Variants in ASB7 observed in about 807,000 individuals in gnomAD.
ASB7 encodes ankyrin repeat and SOCS box containing 7.
Under a neutral mutation model 32.5 loss-of-function variants are expected in ASB7, and 4 were observed. The observed-to-expected ratio is 0.12, with a 90% CI of 0.06 to 0.28. ASB7 has a LOEUF of 0.28. Among genes scored for constraint, ASB7 ranks in the 10% least tolerant of loss-of-function variants. The probability of loss-of-function intolerance (pLI) is 1.00; values close to 1 mark genes in which losing one functional copy is unlikely to be tolerated. For missense variants in ASB7, 181 were observed against 407.1 expected (o/e 0.44, Z 4.78); for synonymous variants, 172 against 155.6 (o/e 1.11, Z -0.78).
chr15:100,605,564 A>G (rs932709212), intron 2 of ASB7, among the ~76,000 whole-genome samples: 2 of 152,354 alleles, frequency 1.3e-5, no homozygotes, highest in African/African-American at 2.4e-5. Context: ...CTTTGGTGAC[A>G]TAGAGATACA....
At chr15:100,647,416 A>T (rs919449424) in intron 5 of ASB7, among the ~76,000 whole-genome samples, 32 of 152,220 alleles carry the variant, frequency 2.1e-4, no homozygotes, top group Non-Finnish European at 3.7e-4. Flanking sequence ...AGTATTCAAT[A>T]TATATTAGCT....
chr15:100,647,744 G>A lies in ASB7; in HGVS notation c.818-579G>A, dbSNP rs530518780. Among the ~76,000 whole-genome samples the A allele has an allele frequency of 1.2e-4, 19 of 152,252 alleles. No individual in the cohort carries two copies. The South Asian group carries it at 1.9e-3, about 15-fold the overall frequency. ...AAGGTTCTGCTGTGTTCAGAATCAC[G>A]GAAAACAGGTGAGCAGATCTGGAAA... On this transcript the variant is annotated intron_variant, in intron 5 of 5. Coordinates refer to ENST00000332783, the MANE Select transcript of ASB7 (RefSeq NM_198243.3).
In ASB7 at chr15:100,635,284, T is replaced by C. The variant is rs114296151; in HGVS notation, c.817+5242T>C. 1.0e-2 allele frequency among the ~76,000 whole-genome samples: 1,523 copies of C among 152,324 alleles called. 29 individuals are homozygous for C. The highest frequency in any genetic ancestry group is 0.035 in the African/African-American group (1,446 of 41,560). On this transcript the variant is annotated intron_variant, in intron 5 of 5. Coordinates refer to ENST00000332783, the MANE Select transcript of ASB7 (RefSeq NM_198243.3). Reference sequence around the variant, plus strand: ...TTTCATTAATCTTAATAATTAATGGTTGTTTTAAATTCCCCGGCTGGTAAT... The same window carrying C: ...TTTCATTAATCTTAATAATTAATGGCTGTTTTAAATTCCCCGGCTGGTAAT...
intron 5 of ASB7, chr15:100,645,730 G>A (rs2039993341): frequency 1.3e-6 from 2 of 1,579,708 alleles, no homozygotes; most frequent in East Asian, 2.2e-5. Context: ...GCCTATCTGT[G>A]CTTCCAGATG....
At chr15:100,640,287 G>A (rs1432088919) in intron 5 of ASB7, among the ~76,000 whole-genome samples, 5 of 152,124 alleles carry the variant, frequency 3.3e-5, no homozygotes, top group African/African-American at 1.2e-4. Context: ...TGGGACTACA[G>A]GCACGTGCCA....
intron 4 of ASB7, among the ~76,000 whole-genome samples, chr15:100,616,052 T>C (rs1388909008): frequency 6.6e-6 from 1 of 152,222 alleles, no homozygotes; most frequent in African/African-American, 2.4e-5. Context: ...TCCGAAGAGA[T>C]TGTCATCATT....
intron 2 of ASB7, among the ~76,000 whole-genome samples, chr15:100,605,289 T>A (rs1212564833): frequency 2.6e-5 from 4 of 152,224 alleles, no homozygotes; most frequent in Non-Finnish European, 5.9e-5. Flanking sequence ...GCTAGTTAGG[T>A]AGCTTACATT....
In ASB7 at chr15:100,648,351, C is replaced by T. The variant is rs770267756; in HGVS notation, c.846C>T (p.Cys282=). The change falls in exon 6 of 6, where the codon TGC becomes TGT. Residue 282 remains cysteine, a synonymous_variant. Transcript: ENST00000332783. ...TRQPRNLQDL[C]RIKIRQCIGL... ...AGCCCAGAAACTTGCAGGACCTGTG[C>T]CGAATTAAAATTCGACAATGTATAG... 1.0e-5 allele frequency: 16 copies of T among 1,603,562 alleles called. No homozygotes were observed. Among genetic ancestry groups the T allele is most frequent in the Non-Finnish European group, 1.4e-5 (16 of 1,176,046 alleles).
intron 4 of ASB7, among the ~76,000 whole-genome samples, chr15:100,622,008 T>C (rs2039796692): frequency 6.6e-6 from 1 of 152,108 alleles, no homozygotes; most frequent in Admixed American, 6.5e-5. Flanking sequence ...AGTCAAATTG[T>C]TCCTCTTTGC....
In ASB7 at chr15:100,650,668, G is replaced by A. The variant is rs1486188015; in HGVS notation, c.*2206G>A. The A allele has an allele frequency of 6.6e-6, 1 of 151,932 alleles. No individual in the cohort carries two copies. Among genetic ancestry groups the A allele is most frequent in the Non-Finnish European group, 1.5e-5 (1 of 67,984 alleles). The allele number at this position is 151,932 out of a possible 1,614,324, so 9.4% of individuals were successfully genotyped here. On this transcript the variant is annotated 3_prime_UTR_variant, in exon 6 of 6. Coordinates refer to ENST00000332783, the MANE Select transcript of ASB7 (RefSeq NM_198243.3). ...CAGATTAAGGTAAATTCTTTGTTCT[G>A]TATTGCTGCTGTGACTTCAGAAAAA... is the stretch of plus-strand genomic sequence containing the variant.
intron 5 of ASB7, among the ~76,000 whole-genome samples, chr15:100,631,693 G>A (rs1490718717): frequency 6.6e-6 from 1 of 152,206 alleles, no homozygotes; most frequent in Non-Finnish European, 1.5e-5. Flanking sequence ...TCCCATGTTA[G>A]CTGTGACCTT....
intron 5 of ASB7, chr15:100,638,410 C>T (rs1225451577): frequency 6.6e-6 from 1 of 152,156 alleles, no homozygotes; most frequent in Admixed American, 6.5e-5. Flanking sequence ...TCAGATCCCT[C>T]GTTCTCCTCT....
intron 4 of ASB7, among the ~76,000 whole-genome samples, chr15:100,618,493 G>A (rs2039763385): frequency 6.6e-6 from 1 of 152,100 alleles, no homozygotes. Context: ...ATTTTGTGGT[G>A]GATAGTAAAC....
At chr15:100,627,612 A>C (rs994509553) in intron 4 of ASB7, among the ~76,000 whole-genome samples, 1 of 152,228 alleles carries the variant, frequency 6.6e-6, no homozygotes, top group Non-Finnish European at 1.5e-5. Context: ...AGAACCTGAA[A>C]GAGACCTGAA....
At chr15:100,634,139 A>G (rs1379643001) in intron 5 of ASB7, among the ~76,000 whole-genome samples, 1 of 152,228 alleles carries the variant, frequency 6.6e-6, no homozygotes, top group Non-Finnish European at 1.5e-5. Context: ...CATCCTGAAG[A>G]ATCAGATAGT....
intron 2 of ASB7, chr15:100,609,464 T>A (rs925866256): frequency 1.3e-5 from 2 of 152,234 alleles, no homozygotes; most frequent in African/African-American, 4.8e-5. Flanking sequence ...TTATTTTTTT[T>A]ATTTGCTCTT....
chr15:100,607,056 G>C (rs766860804), intron 2 of ASB7, among the ~76,000 whole-genome samples: 3 of 152,034 alleles, frequency 2.0e-5, no homozygotes, highest in Non-Finnish European at 4.4e-5. Context: ...AGGAGGCTGA[G>C]GCAGGAGAAT....
intron 5 of ASB7, among the ~76,000 whole-genome samples, chr15:100,635,520 T>C (rs992347741): frequency 6.6e-6 from 1 of 152,232 alleles, no homozygotes; most frequent in Non-Finnish European, 1.5e-5. Context: ...ATTGCAGCTG[T>C]AGGTGCCAGA....
At chr15:100,622,593 T>G (rs2039803641) in intron 4 of ASB7, among the ~76,000 whole-genome samples, 1 of 152,212 alleles carries the variant, frequency 6.6e-6, no homozygotes. Flanking sequence ...AGCATGGTAT[T>G]GACCTAAAAA....
Sources: allele counts gnomAD v4.1 joint callset (sites outside exome capture counted in the v4.1 genomes callset), GRCh38; gene constraint gnomAD v4.1.1; transcripts MANE v1.5; gene names NCBI Gene and HGNC (gene_info 2026-07-23, HGNC 2026-07-21).